The following L3MBTL4 variants were observed in gnomAD, a reference collection of about 807,000 sequenced individuals.
L3MBTL4 encodes the protein L3MBTL histone methyl-lysine binding protein 4.
In L3MBTL4, 70 loss-of-function variants were observed where a neutral mutation model predicts 84.5. The ratio of observed to expected loss-of-function variants is 0.83; its 90% confidence interval spans 0.68 to 1.01. The LOEUF (loss-of-function observed/expected upper bound fraction) is 1.01, where lower values mean the gene tolerates loss of function less well. L3MBTL4 is among the 50% of genes least tolerant of loss of function. The pLI is 0.00. For synonymous variants in L3MBTL4, 274 were observed against 259.8 expected, an observed-to-expected ratio of 1.05 and a Z score of -0.52; for missense variants, 715 against 754.8, an observed-to-expected ratio of 0.95 and a Z score of 0.62.
chr18:5,971,749 C>T (rs922398904), intron 16 of L3MBTL4, among the ~76,000 whole-genome samples: 8 of 152,142 alleles, frequency 5.3e-5, no homozygotes, highest in African/African-American at 1.9e-4. Context: ...TGGAAAGACA[C>T]CTAATGTGTG....
chr18:6,185,805 G>C (rs749104978), intron 12 of L3MBTL4, among the ~76,000 whole-genome samples: 76 of 152,156 alleles, frequency 5.0e-4, no homozygotes, highest in Middle Eastern at 6.8e-3. Context: ...ATTTCAACAG[G>C]GGCTGGGGTC....
intron 1 of L3MBTL4, among the ~76,000 whole-genome samples, chr18:6,385,121 G>T (rs2054763764): frequency 6.6e-6 from 1 of 152,162 alleles, no homozygotes; most frequent in Non-Finnish European, 1.5e-5. Context: ...GCTTAAAGGG[G>T]CAGGCCACAG....
chr18:6,017,558 T>G (rs1165418373), intron 16 of L3MBTL4, among the ~76,000 whole-genome samples: 1 of 152,210 alleles, frequency 6.6e-6, no homozygotes, highest in Admixed American at 6.5e-5. Flanking sequence ...AAATTGAGGA[T>G]AGCATGGCCC....
chr18:5,993,021 G>C (rs1354992351), intron 16 of L3MBTL4, among the ~76,000 whole-genome samples: 1 of 152,192 alleles, frequency 6.6e-6, no homozygotes, highest in African/African-American at 2.4e-5. Flanking sequence ...CAGATGATGG[G>C]TTGGTGGAAT....
At position 6,295,342 on chromosome 18, in the gene L3MBTL4, C is replaced by CTA. The variant is rs370638631; in HGVS notation, c.127+6560_127+6561insTA. The stretch of plus-strand genomic sequence containing the variant: ...TCTCTCTCTCTCTCTCTCTCTCTCT[C>CTA]TCTCTATATATATATATATATATAT... On this transcript the variant is annotated intron_variant, in intron 4 of 18. Coordinates refer to ENST00000317931, the MANE Select transcript of L3MBTL4 (RefSeq NM_001330559.2). Among the ~76,000 whole-genome samples the CTA allele has an allele frequency of 3.4e-3, 396 of 116,904 alleles. 1 individual carries two copies. The highest frequency in any genetic ancestry group is 4.6e-3 in the African/African-American group (112 of 24,272). 76.7% of individuals were successfully genotyped at this position (116,904 alleles called of 152,430 possible). A position where few individuals can be genotyped will look rare whatever the true frequency, so the allele number is the denominator to read the frequency against.
chr18:6,241,266 TA>T, intron 8 of L3MBTL4, 91 bp downstream of exon 8: 1 of 775,278 alleles, frequency 1.3e-6, no homozygotes. Flanking sequence ...CATAACTTCT[TA>T]AAGGATTAAA....
chr18:6,134,316 C>A lies in L3MBTL4; in HGVS notation c.1199+3878G>T, dbSNP rs570823426. Among the ~76,000 whole-genome samples the A allele has an allele frequency of 1.7e-4, 26 of 152,244 alleles. No homozygotes were observed. The South Asian group carries it at 4.6e-3, about 27-fold the overall frequency. ...AGTTGAGATTTCAGAGGGGACACAG[C>A]CAAACCATATCATTCCACCCCGGCC... On this transcript the variant is annotated intron_variant, in intron 14 of 18. Coordinates refer to ENST00000317931, the MANE Select transcript of L3MBTL4 (RefSeq NM_001330559.2).
intron 5 of L3MBTL4, among the ~76,000 whole-genome samples, chr18:6,253,668 G>A (rs1229928702): frequency 6.6e-6 from 1 of 152,330 alleles, no homozygotes; most frequent in Admixed American, 6.5e-5. Context: ...GGAAGCTCAT[G>A]GACAACCACA....
chr18:5,993,290 C>A (rs1023603726), intron 16 of L3MBTL4, among the ~76,000 whole-genome samples: 7 of 152,164 alleles, frequency 4.6e-5, no homozygotes, highest in Non-Finnish European at 8.8e-5. Flanking sequence ...CCTTTCTTCC[C>A]AAATGGAATG....
rs543276376 is a variant in L3MBTL4, at chr18:6,318,517, A to C, written c.-90-6461T>G. On this transcript the variant is annotated intron_variant, in intron 1 of 18. Transcript: ENST00000317931. ...AGTAAAAAAAAAAAAAAAAAAAAAAAAAAAAAAAGACAAAGAAGGTCATTA... is the reference window on the plus strand; with the variant it reads ...AGTAAAAAAAAAAAAAAAAAAAAAACAAAAAAAAGACAAAGAAGGTCATTA... 3.6e-3 allele frequency among the ~76,000 whole-genome samples: 522 copies of C among 146,378 alleles called. 1 individual carries two copies. Among genetic ancestry groups the C allele is most frequent in the African/African-American group, 7.4e-3 (293 of 39,536 alleles).
chr18:6,130,337 T>C (rs2059835320), intron 14 of L3MBTL4, among the ~76,000 whole-genome samples: 1 of 151,542 alleles, frequency 6.6e-6, no homozygotes, highest in Non-Finnish European at 1.5e-5. Context: ...CATCATTATT[T>C]TTGGGCTGAC....
chr18:6,284,127 C>T (rs1290540147), intron 4 of L3MBTL4, among the ~76,000 whole-genome samples: 3 of 152,162 alleles, frequency 2.0e-5, no homozygotes, highest in Admixed American at 1.3e-4. Context: ...TGTTTGGTAT[C>T]ATTCAATTAT....
intron 1 of L3MBTL4, among the ~76,000 whole-genome samples, chr18:6,338,643 G>T (rs1414264139): frequency 6.6e-6 from 1 of 151,762 alleles, no homozygotes; most frequent in Non-Finnish European, 1.5e-5. Flanking sequence ...ATGAACAAAT[G>T]TCATTAATTT....
At chr18:6,030,479 G>T in intron 16 of L3MBTL4, 1 of 971,348 alleles carries the variant, frequency 1.0e-6, no homozygotes, top group Non-Finnish European at 1.2e-6. Flanking sequence ...TGAAGTATTA[G>T]GTTTATTTTA....
At position 6,397,527 on chromosome 18, in the gene L3MBTL4, A is replaced by G. The variant is rs2055324590; in HGVS notation, c.-91+17274T>C. 4 of 152,170 alleles carry G rather than the reference A, an allele frequency of 2.6e-5. No homozygotes were observed. The South Asian group carries it at 8.3e-4, about 31-fold the overall frequency. 9.4% of individuals were successfully genotyped at this position (152,170 alleles called of 1,614,324 possible). On this transcript the variant is annotated intron_variant, in intron 1 of 18. Coordinates refer to ENST00000317931, the MANE Select transcript of L3MBTL4 (RefSeq NM_001330559.2). ...AGAAAACAACTGTTCACAGTGTGGT[A>G]TCGTAAAAATCATTATAAAATCTAT... is the stretch of plus-strand genomic sequence containing the variant.
chr18:6,267,454 CAG>C (rs367599428), intron 4 of L3MBTL4, among the ~76,000 whole-genome samples: 91 of 152,246 alleles, frequency 6.0e-4, no homozygotes, highest in African/African-American at 1.9e-3. Context: ...TTTATTTTGC[CAG>C]AGAGAGAAAG....
intron 1 of L3MBTL4, among the ~76,000 whole-genome samples, chr18:6,374,957 A>G (rs2054306775): frequency 6.6e-6 from 1 of 152,240 alleles, no homozygotes; most frequent in African/African-American, 2.4e-5. Flanking sequence ...ACAATTCGAT[A>G]AAGCCTTCAT....
intron 4 of L3MBTL4, among the ~76,000 whole-genome samples, chr18:6,269,214 G>A (rs140180889): frequency 0.013 from 1,907 of 152,278 alleles, 37 homozygotes; most frequent in African/African-American, 0.043. Context: ...TGTAATCCCA[G>A]CACTTGGGAG....
In L3MBTL4 at chr18:6,366,864, C is replaced by T. The variant is rs117020336; in HGVS notation, c.-91+47937G>A. Among the ~76,000 whole-genome samples, 261 of 152,338 alleles carry T rather than the reference C, an allele frequency of 1.7e-3. 1 individual carries two copies. Among genetic ancestry groups the T allele is most frequent in the Non-Finnish European group, 3.1e-3 (214 of 68,030 alleles). ...TAAATGAGTGCTTTAAAAGGAAATT[C>T]GTGAATGTATTGTATACCTACAGGA... On this transcript the variant is annotated intron_variant, in intron 1 of 18. Transcript: ENST00000317931.
Sources: gnomAD v4.1 joint callset for allele counts (sites outside exome capture counted in the v4.1 genomes callset) on GRCh38, gnomAD v4.1.1 for gene constraint, MANE v1.5 for transcripts, NCBI Gene and HGNC (gene_info 2026-07-23, HGNC 2026-07-21) for gene names.